Variants in IPO5 observed in about 807,000 individuals in gnomAD.
IPO5 encodes importin 5, also known as importin-5.
In IPO5, 18 loss-of-function variants were observed where a neutral mutation model predicts 143.3. The observed-to-expected ratio is 0.13, with a 90% CI of 0.09 to 0.19. The LOEUF is 0.19. Ranked by LOEUF, IPO5 falls within the 10% of genes least tolerant of loss-of-function variation. IPO5 has a pLI of 1.00. For missense variants in IPO5, 1,013 were observed against 1,336.9 expected, an observed-to-expected ratio of 0.76 and a Z score of 3.78; for synonymous variants, 477 against 465.7, an observed-to-expected ratio of 1.02 and a Z score of -0.31.
chr13:97,954,721 T>C (rs553844261), intron 2 of IPO5, among the ~76,000 whole-genome samples: 141 of 152,356 alleles, frequency 9.3e-4, no homozygotes, highest in Non-Finnish European at 1.7e-3. Context: ...TGTCATCTTA[T>C]AAAGTATTAG....
chr13:97,973,796 G>A (rs1408295591), intron 3 of IPO5, among the ~76,000 whole-genome samples: 1 of 152,200 alleles, frequency 6.6e-6, no homozygotes, highest in African/African-American at 2.4e-5. Flanking sequence ...CTAGCCGGGT[G>A]TGGTGGCGGA....
At chr13:98,019,119 A>G (rs1890312991) in intron 26 of IPO5, among the ~76,000 whole-genome samples, 1 of 151,738 alleles carries the variant, frequency 6.6e-6, no homozygotes, top group Non-Finnish European at 1.5e-5. Flanking sequence ...CGCCTGGCTA[A>G]TTTTTTCTAT....
chr13:97,970,725 T>G (rs181013800), intron 3 of IPO5, among the ~76,000 whole-genome samples: 2 of 152,218 alleles, frequency 1.3e-5, no homozygotes, highest in Non-Finnish European at 2.9e-5. Flanking sequence ...AACTGTAGCA[T>G]TGAAAGCCAG....
At chr13:97,968,115 G>A (rs1885510000) in intron 2 of IPO5, among the ~76,000 whole-genome samples, 1 of 152,152 alleles carries the variant, frequency 6.6e-6, no homozygotes, top group South Asian at 2.1e-4. Context: ...GAGGCACCGT[G>A]CCAAGCCATC....
intron 21 of IPO5, among the ~76,000 whole-genome samples, chr13:98,013,452 C>T (rs1420852023): frequency 6.6e-6 from 1 of 152,108 alleles, no homozygotes; most frequent in Non-Finnish European, 1.5e-5. Context: ...GACTCCAAAG[C>T]CCGTTTGTCA....
At chr13:97,974,812 C>G (rs574108102) in intron 3 of IPO5, among the ~76,000 whole-genome samples, 27 of 151,992 alleles carry the variant, frequency 1.8e-4, no homozygotes, top group Non-Finnish European at 2.6e-4. Flanking sequence ...ATAAATTCAA[C>G]AAAGATAGGT....
At chr13:97,991,232 T>C (rs1566508104) in intron 9 of IPO5, among the ~76,000 whole-genome samples, 1 of 152,078 alleles carries the variant, frequency 6.6e-6, no homozygotes, top group Non-Finnish European at 1.5e-5. Flanking sequence ...TATTAATATA[T>C]GGCCTTAATA....
chr13:97,979,998 C>T, intron 4 of IPO5: 1 of 455,426 alleles, frequency 2.2e-6, no homozygotes, highest in Non-Finnish European at 4.4e-6. Context: ...AGCATTTCTT[C>T]TTCGTGGGCA....
At chr13:97,980,390 G>A (rs1886741675) in intron 4 of IPO5, among the ~76,000 whole-genome samples, 1 of 152,178 alleles carries the variant, frequency 6.6e-6, no homozygotes, top group South Asian at 2.1e-4. Flanking sequence ...ATTCATTATG[G>A]AGTAGAGTTT....
chr13:97,969,687 A>T (rs772454519), intron 2 of IPO5, 36 bp from the exon 3 acceptor site: 8 of 881,252 alleles, frequency 9.1e-6, no homozygotes, highest in Admixed American at 1.8e-5. Context: ...ATTAAGTACC[A>T]TCTAATGGTC....
At position 98,010,030 on chromosome 13, in the gene IPO5, G is replaced by A; in HGVS notation, c.1933+17G>A. ...TTTTAGATAGTAGGTGTCTTTAGAA[G>A]GAGCTATCGGTTATAATAGTTCTCT... is the stretch of plus-strand genomic sequence containing the variant. On this transcript the variant is annotated intron_variant, in intron 19 of 28. Coordinates refer to ENST00000651721, the MANE Select transcript of IPO5 (RefSeq NM_002271.6). 1 of 1,613,644 alleles carries A rather than the reference G, an allele frequency of 6.2e-7. No homozygotes were observed. The highest frequency in any genetic ancestry group is 1.1e-5 in the South Asian group (1 of 90,986).
chr13:98,004,445 T>G (rs1335330525), intron 16 of IPO5, among the ~76,000 whole-genome samples: 3 of 152,188 alleles, frequency 2.0e-5, no homozygotes, highest in Non-Finnish European at 2.9e-5. Context: ...GCAGATTGGT[T>G]GGTTGGTTAA....
intron 2 of IPO5, among the ~76,000 whole-genome samples, chr13:97,957,365 T>A (rs1038551376): frequency 1.3e-5 from 2 of 148,862 alleles, no homozygotes; most frequent in African/African-American, 2.5e-5. Flanking sequence ...ACCTGGCTAA[T>A]TTTTTTTTTG....
At chr13:97,983,660 T>C (rs1054200906) in intron 5 of IPO5, among the ~76,000 whole-genome samples, 2 of 151,114 alleles carry the variant, frequency 1.3e-5, no homozygotes, top group African/African-American at 4.9e-5. Flanking sequence ...CTATTCTACC[T>C]ACAAAACATT....
intron 3 of IPO5, among the ~76,000 whole-genome samples, chr13:97,970,406 G>C (rs1885719786): frequency 1.3e-5 from 2 of 151,958 alleles, no homozygotes; most frequent in Non-Finnish European, 1.5e-5. Context: ...GGATCACGAG[G>C]TCAGGAGTTC....
At position 98,021,164 on chromosome 13, in the gene IPO5, G is replaced by A. The variant is rs746915580; in HGVS notation, c.3207+31G>A. ...CTGATTTGGTTGAATTGGGGAGGGG[G>A]AGATAAAACCTTTTTTTCTTTGTAG... On this transcript the variant is annotated intron_variant, in intron 28 of 28. Coordinates refer to ENST00000651721, the MANE Select transcript of IPO5 (RefSeq NM_002271.6). 17 of 1,567,274 alleles carry A rather than the reference G, an allele frequency of 1.1e-5. No individual in the cohort carries two copies. In the Admixed American group the frequency reaches 3.3e-4, roughly 31 times the overall value.
At chr13:97,979,527 A>G (rs1886668666) in intron 4 of IPO5, among the ~76,000 whole-genome samples, 1 of 152,244 alleles carries the variant, frequency 6.6e-6, no homozygotes, top group Non-Finnish European at 1.5e-5. Flanking sequence ...TGAATAAACC[A>G]TTGAATAAAT....
intron 5 of IPO5, among the ~76,000 whole-genome samples, chr13:97,983,965 CTTTTTTTTTTTTTTT>C (rs71117684): frequency 2.0e-4 from 9 of 45,848 alleles, no homozygotes; most frequent in South Asian, 8.9e-4. Flanking sequence ...AGGGTAACTT[CTTTTTTTTTTTTTTT>C]TTTTTTTTTT....
intron 28 of IPO5, 69 bp downstream of exon 28, chr13:98,021,202 A>G (rs1890462863): frequency 7.3e-7 from 1 of 1,364,886 alleles, no homozygotes; most frequent in Non-Finnish European, 9.9e-7. Context: ...CTCTATGAGA[A>G]GAAACTAGAA....
Sources: gnomAD v4.1 joint callset for allele counts (sites outside exome capture counted in the v4.1 genomes callset) on GRCh38, gnomAD v4.1.1 for gene constraint, MANE v1.5 for transcripts, NCBI Gene and HGNC (gene_info 2026-07-23, HGNC 2026-07-21) for gene names.